TRIM60: variants seen among roughly 807,000 people sequenced by gnomAD.
The protein encoded by TRIM60 is tripartite motif containing 60.
For missense variants in TRIM60, 524 were observed against 540.8 expected, an observed-to-expected ratio of 0.97 and a Z score of 0.31; for synonymous variants, 189 against 195.2, an observed-to-expected ratio of 0.97 and a Z score of 0.27.
chr4:165,036,234 A>ATTTTT (rs60349844), intron 1 of TRIM60, among the ~76,000 whole-genome samples: 50 of 151,202 alleles, frequency 3.3e-4, no homozygotes, highest in African/African-American at 9.9e-4. Context: ...ACATCCTTAC[A>ATTTTT]TTTTTTTTTC....
intron 1 of TRIM60, among the ~76,000 whole-genome samples, chr4:165,032,494 C>T (rs1036482254): frequency 2.0e-5 from 3 of 152,308 alleles, no homozygotes; most frequent in East Asian, 1.9e-4. Flanking sequence ...GGTGGTCCGC[C>T]CGCCTCGGCC....
intron 1 of TRIM60, among the ~76,000 whole-genome samples, chr4:165,038,743 C>A (rs1429517771): frequency 2.0e-5 from 3 of 150,580 alleles, no homozygotes; most frequent in Admixed American, 6.7e-5. Context: ...TGGATTTCTT[C>A]ATTGTTATAT....
chr4:165,040,477 A>G lies in TRIM60; in HGVS notation c.405A>G (p.Lys135=). 6.2e-7 allele frequency: 1 copy of G among 1,614,222 alleles called. No individual in the cohort carries two copies. Among genetic ancestry groups the G allele is most frequent in the Non-Finnish European group, 8.5e-7 (1 of 1,180,038 alleles). ...HQKHYICPIK[K]AASYHREILE... ...AGCACTACATTTGCCCTATTAAGAA[A>G]GCTGCCTCTTATCACAGAGAAATTC... is the stretch of plus-strand genomic sequence containing the variant. Residue 135 remains lysine, a synonymous_variant, in exon 3 of 3, where the codon AAA becomes AAG. Transcript: ENST00000512596.
chr4:165,041,385 A>C lies in TRIM60; in HGVS notation c.1313A>C (p.Tyr438Ser), dbSNP rs748960274. 6.2e-7 allele frequency: 1 copy of C among 1,613,820 alleles called. No homozygotes were observed. The highest frequency in any genetic ancestry group is 8.5e-7 in the Non-Finnish European group (1 of 1,179,842). Residue 438 changes from tyrosine to serine, a missense_variant, in exon 3 of 3, where the codon TAT (tyrosine) becomes TCT (serine). Tyr to Ser is a moderately radical substitution (Grantham distance 144). Transcript: ENST00000512596. The stretch of plus-strand genomic sequence containing the variant: ...AATATGAATGATAGGTCTATTCTCT[A>C]TACTTTTAACGATTGTTTCACAGAA... ...FYNMNDRSIL[Y>S]TFNDCFTEAV...
At chr4:165,034,285 C>T (rs1011050283) in intron 1 of TRIM60, among the ~76,000 whole-genome samples, 1 of 151,864 alleles carries the variant, frequency 6.6e-6, no homozygotes, top group Admixed American at 6.6e-5. Flanking sequence ...TTCTGAGGAG[C>T]TGGGATTACA....
Position 165,040,340 on chromosome 4 carries a change from A to G in TRIM60, c.268A>G (p.Arg90Gly). The change falls in exon 3 of 3, where the codon AGG becomes GGG. Residue 90 changes from arginine to glycine, a missense_variant. By Grantham distance (125) the Arg-to-Gly change is moderately radical. Coordinates refer to ENST00000512596, the MANE Select transcript of TRIM60 (RefSeq NM_152620.3). Reference protein sequence around the residue: ...QLQIRRSKRKRQKENAMCEKH... With the variant: ...QLQIRRSKRKGQKENAMCEKH... ...CCAGATTAGGAGGAGCAAGAGAAAG[A>G]GGCAGAAAGAGAATGCCATGTGTGA... 1 of 1,614,218 alleles carries G rather than the reference A, an allele frequency of 6.2e-7. No homozygotes were observed. Among genetic ancestry groups the G allele is most frequent in the East Asian group, 2.2e-5 (1 of 44,884 alleles).
Position 165,041,164 on chromosome 4 carries a change from G to A in TRIM60, c.1092G>A (p.Leu364=). 1 of 1,614,182 alleles carries A rather than the reference G, an allele frequency of 6.2e-7. No individual in the cohort carries two copies. Among genetic ancestry groups the A allele is most frequent in the Non-Finnish European group, 8.5e-7 (1 of 1,180,022 alleles). The change falls in exon 3 of 3, where the codon TTG becomes TTA. Residue 364 remains leucine (L), a synonymous_variant. Transcript: ENST00000512596. ...TGGGAAACAAACCTAAATGGATATT[G>A]GGTGTGTGTCAAGACTGTCTTCTTA... ...VEVGNKPKWI[L]GVCQDCLLRN...
intron 2 of TRIM60, among the ~76,000 whole-genome samples, 169 bp from the exon 3 acceptor site, chr4:165,039,900 T>G (rs144384822): frequency 0.011 from 1,673 of 151,624 alleles, 18 homozygotes; most frequent in African/African-American, 0.026. Flanking sequence ...TAAGGAGCAG[T>G]GGACTAAACA....
At chr4:165,032,393 C>G (rs1361182906) in intron 1 of TRIM60, among the ~76,000 whole-genome samples, 1 of 152,178 alleles carries the variant, frequency 6.6e-6, no homozygotes, top group African/African-American at 2.4e-5. Context: ...GGATTACAGG[C>G]GCTCGCCACC....
Position 165,040,729 on chromosome 4 carries a change from C to A in TRIM60, c.657C>A (p.Asn219Lys), listed in dbSNP as rs200166847. 6.4e-5 allele frequency: 103 copies of A among 1,613,856 alleles called. No homozygotes were observed. The highest frequency in any genetic ancestry group is 8.4e-5 in the Non-Finnish European group (99 of 1,179,984). The change falls in exon 3 of 3, where the codon AAC becomes AAA. Residue 219 changes from asparagine to lysine, a missense_variant. Asn to Lys is a moderately conservative substitution (Grantham distance 94). Transcript: ENST00000512596. ...EMNILAKLNE[N>K]LVELSDYVST... The stretch of plus-strand genomic sequence containing the variant: ...ACATTTTAGCAAAACTAAATGAAAA[C>A]CTTGTAGAACTTTCAGATTATGTTT...
intron 2 of TRIM60, 48 bp from the exon 3 acceptor site, chr4:165,040,021 C>T (rs1579182312): frequency 1.3e-6 from 2 of 1,502,404 alleles, no homozygotes; most frequent in East Asian, 4.5e-5. Flanking sequence ...TCTACGGAGG[C>T]AGGACTGATC....
rs139582966 is a variant in TRIM60, at chr4:165,040,832, A to G, written c.760A>G (p.Ser254Gly). Residue 254 changes from serine (S) to glycine (G), a missense_variant, in exon 3 of 3, where the codon AGT becomes GGT. Ser to Gly is a moderately conservative substitution (Grantham distance 56, BLOSUM62 0). Coordinates refer to ENST00000512596, the MANE Select transcript of TRIM60 (RefSeq NM_152620.3). ...SNLELLTQAKSMHHKYQNLKC... is the reference protein window; with the variant it reads ...SNLELLTQAKGMHHKYQNLKC... ...CCTGGAATTACTGACACAAGCTAAG[A>G]GTATGCACCACAAGTATCAAAACCT... 144 of 1,614,166 alleles carry G rather than the reference A, an allele frequency of 8.9e-5. No homozygotes were observed. In the East Asian group the frequency reaches 3.1e-3, roughly 35 times the overall value.
chr4:165,040,440 C>T lies in TRIM60; in HGVS notation c.368C>T (p.Thr123Ile), dbSNP rs1162127297. The change falls in exon 3 of 3, where the codon ACT (threonine) becomes ATT (isoleucine). Residue 123 changes from threonine to isoleucine, a missense_variant. By Grantham distance (89) the Thr-to-Ile change is moderately conservative. Coordinates refer to ENST00000512596, the MANE Select transcript of TRIM60 (RefSeq NM_152620.3). ...TTATGTACACAGTGCAGTTTCTCCA[C>T]TAAACACCAGAAGCACTACATTTGC... ...EILCTQCSFS[T>I]KHQKHYICPI... The T allele has an allele frequency of 4.3e-6, 7 of 1,614,194 alleles. No individual in the cohort carries two copies. Among genetic ancestry groups the T allele is most frequent in the Non-Finnish European group, 5.1e-6 (6 of 1,180,028 alleles).
chr4:165,041,554 C>T lies in TRIM60; in HGVS notation c.*66C>T. On this transcript the variant is annotated 3_prime_UTR_variant, in exon 3 of 3. Coordinates refer to ENST00000512596, the MANE Select transcript of TRIM60 (RefSeq NM_152620.3). Reference sequence around the variant, plus strand: ...TTAGCCAGTAAATTTAATCTCATTTCTGGACTCTTTAAGTTTTACCACTGA... The same window carrying T: ...TTAGCCAGTAAATTTAATCTCATTTTTGGACTCTTTAAGTTTTACCACTGA... 1 of 1,210,274 alleles carries T rather than the reference C, an allele frequency of 8.3e-7. No individual in the cohort carries two copies. The highest frequency in any genetic ancestry group is 1.1e-6 in the Non-Finnish European group (1 of 885,876). 75.0% of individuals were successfully genotyped at this position (1,210,274 alleles called of 1,614,324 possible).
chr4:165,041,748 A>ATT lies in TRIM60; in HGVS notation c.*260_*261insTT. The ATT allele has an allele frequency of 3.3e-6, 1 of 307,014 alleles. No individual in the cohort carries two copies. 19.0% of individuals were successfully genotyped at this position (307,014 alleles called of 1,614,324 possible). The stretch of plus-strand genomic sequence containing the variant: ...AATAAAATGTTTTCAAATTGCCTAT[A>ATT]ATTTTTTTTTTTAGTTAAGCAAATT... On this transcript the variant is annotated 3_prime_UTR_variant, in exon 3 of 3. Coordinates refer to ENST00000512596, the MANE Select transcript of TRIM60 (RefSeq NM_152620.3).
rs140899824 is a variant in TRIM60 at position 165,032,294 on chromosome 4, G to A, written c.-57+182G>A. On this transcript the variant is annotated intron_variant, in intron 1 of 2. Transcript: ENST00000512596. Reference sequence around the variant, plus strand: ...GACGGAGTCTCGCTCTGTCACCCACGCTGGAGTGCAGTGGCGCAATCTCGC... The same window carrying A: ...GACGGAGTCTCGCTCTGTCACCCACACTGGAGTGCAGTGGCGCAATCTCGC... 9.3e-3 allele frequency among the ~76,000 whole-genome samples: 1,424 copies of A among 152,310 alleles called. 18 individuals are homozygous for A. Among genetic ancestry groups the A allele is most frequent in the African/African-American group, 0.033 (1,376 of 41,570 alleles).
intron 1 of TRIM60, among the ~76,000 whole-genome samples, chr4:165,036,578 G>A (rs1359456678): frequency 2.0e-5 from 3 of 152,134 alleles, no homozygotes; most frequent in Admixed American, 2.0e-4. Flanking sequence ...AGAAAAGATG[G>A]TGTGCTTAGG....
chr4:165,041,021 G>T lies in TRIM60; in HGVS notation c.949G>T (p.Val317Leu). Residue 317 changes from valine (V) to leucine (L), a missense_variant, in exon 3 of 3, where the codon GTG becomes TTG. By Grantham distance (32) the Val-to-Leu change is conservative. Coordinates refer to ENST00000512596, the MANE Select transcript of TRIM60 (RefSeq NM_152620.3). ...QLLVSEDRKA[V>L]RYERKKRNIC... is the part of the protein sequence containing the mutation. ...TCTTGTCTCTGAGGATAGAAAAGCT[G>T]TGCGATATGAAAGAAAAAAACGAAA... 1 of 1,614,032 alleles carries T rather than the reference G, an allele frequency of 6.2e-7. No individual in the cohort carries two copies. Among genetic ancestry groups the T allele is most frequent in the Non-Finnish European group, 8.5e-7 (1 of 1,179,932 alleles).
chr4:165,035,735 T>C (rs1287056864), intron 1 of TRIM60, among the ~76,000 whole-genome samples: 1 of 152,008 alleles, frequency 6.6e-6, no homozygotes, highest in Non-Finnish European at 1.5e-5. Context: ...TTTCTTTTTT[T>C]TTTTTAGACA....
Sources: allele counts gnomAD v4.1 joint callset (sites outside exome capture counted in the v4.1 genomes callset), GRCh38; gene constraint gnomAD v4.1.1; transcripts MANE v1.5; gene names NCBI Gene and HGNC (gene_info 2026-07-23, HGNC 2026-07-21).